IGF1: variants seen among roughly 807,000 people sequenced by gnomAD.
IGF1 encodes insulin like growth factor 1.
IGF1 carries 4 observed loss-of-function variants against 13.8 expected under a neutral mutation model. The observed-to-expected ratio is 0.29, with a 90% CI of 0.14 to 0.66. IGF1 has a LOEUF of 0.66. IGF1 is among the 30% of genes least tolerant of loss of function. The pLI is 0.78. For synonymous variants in IGF1, 76 were observed against 72.6 expected (o/e 1.05, Z -0.23); for missense variants, 124 against 188.5 (o/e 0.66, Z 2.00).
rs1247911677 is a variant in IGF1, at chr12:102,480,422, G to A, written c.-41C>T. On this transcript the variant is annotated 5_prime_UTR_variant, in exon 1 of 4. Coordinates refer to ENST00000337514, the MANE Select transcript of IGF1 (RefSeq NM_000618.5). ...AAGTCTGAAAATGAATTGGTTAGCA[G>A]GAATAATGAAGCAAAAAGAAATCCA... 9 of 1,612,434 alleles carry A rather than the reference G, an allele frequency of 5.6e-6. No homozygotes were observed. Among genetic ancestry groups the A allele is most frequent in the Non-Finnish European group, 7.6e-6 (9 of 1,179,390 alleles).
At chr12:102,455,374 T>C (rs908484518) in intron 2 of IGF1, among the ~76,000 whole-genome samples, 5 of 152,244 alleles carry the variant, frequency 3.3e-5, no homozygotes, top group African/African-American at 9.6e-5. Flanking sequence ...GAAACAGTTC[T>C]AAGAATGTTA....
At chr12:102,465,120 C>T (rs896719730) in intron 2 of IGF1, among the ~76,000 whole-genome samples, 2 of 152,200 alleles carry the variant, frequency 1.3e-5, no homozygotes, top group East Asian at 1.9e-4. Context: ...GAACAGGAGG[C>T]AGCAACATGC....
intron 2 of IGF1, among the ~76,000 whole-genome samples, chr12:102,461,393 G>T (rs1879884097): frequency 1.3e-5 from 2 of 152,072 alleles, no homozygotes; most frequent in Non-Finnish European, 2.9e-5. Flanking sequence ...GACCAAAATA[G>T]ACTTTTCTTA....
chr12:102,402,711 G>T (rs1873790505), intron 3 of IGF1, 145 bp from the exon 4 acceptor site: 2 of 697,456 alleles, frequency 2.9e-6, no homozygotes, highest in Admixed American at 2.0e-5. Context: ...CCTGAGAAGG[G>T]CATGTATAGG....
At chr12:102,404,159 C>T (rs771057085) in intron 3 of IGF1, among the ~76,000 whole-genome samples, 7 of 152,140 alleles carry the variant, frequency 4.6e-5, no homozygotes, top group Admixed American at 1.3e-4. Flanking sequence ...TATTGGTATA[C>T]AGTGAGGTTC....
intron 2 of IGF1, among the ~76,000 whole-genome samples, chr12:102,429,822 G>A (rs907156801): frequency 6.6e-6 from 1 of 152,168 alleles, no homozygotes; most frequent in African/African-American, 2.4e-5. Flanking sequence ...CCACTCTGAG[G>A]CAATGGCCTT....
intron 2 of IGF1, among the ~76,000 whole-genome samples, chr12:102,444,738 G>A (rs532042121): frequency 3.3e-5 from 5 of 152,196 alleles, no homozygotes; most frequent in Admixed American, 6.5e-5. Flanking sequence ...CCTAAGTGCC[G>A]CGTAGTATGT....
intron 2 of IGF1, among the ~76,000 whole-genome samples, chr12:102,441,940 C>CTTCTTCTTCTTCTTCTTTCTTCTTCTTCT (rs1565984803): frequency 7.3e-6 from 1 of 136,228 alleles, no homozygotes; most frequent in Non-Finnish European, 1.6e-5. Flanking sequence ...TCTTCTTCTT[C>CTTCTTCTTCTTCTTCTTTCTTCTTCTTCT]TTCTTCTTCT....
rs1357795015 is a variant in IGF1, at chr12:102,397,719, A to T, written c.*4788T>A. ...CAGATCTGGACTTTATGGTCTTTGC[A>T]AGGGAGGGGCATAAACTTTCACAAT... On this transcript the variant is annotated 3_prime_UTR_variant, in exon 4 of 4. Transcript: ENST00000337514. The T allele has an allele frequency of 1.3e-5, 2 of 152,178 alleles. No homozygotes were observed. Among genetic ancestry groups the T allele is most frequent in the African/African-American group, 4.8e-5 (2 of 41,458 alleles). 9.4% of individuals were successfully genotyped at this position (152,178 alleles called of 1,614,324 possible). A position where few individuals can be genotyped will look rare whatever the true frequency, so the allele number is the denominator to read the frequency against.
At chr12:102,412,320 T>C (rs1303195484) in intron 3 of IGF1, among the ~76,000 whole-genome samples, 2 of 152,118 alleles carry the variant, frequency 1.3e-5, no homozygotes. Context: ...GAAACTGTTC[T>C]CACCTATAAT....
rs529499124 is a variant in IGF1 at position 102,463,288 on chromosome 12, A to G, written c.220+12355T>C. ...ACTAAATATGTCTATGAACGGCTGG[A>G]AACTTTAATGGAAAGAAACATAAAA... On this transcript the variant is annotated intron_variant, in intron 2 of 3. Transcript: ENST00000337514. The G allele has an allele frequency of 2.1e-3, 316 of 152,348 alleles. 4 individuals carry two copies. The highest frequency in any genetic ancestry group is 7.2e-3 in the African/African-American group (300 of 41,576). 9.4% of individuals were successfully genotyped at this position (152,348 alleles called of 1,614,324 possible). A position where few individuals can be genotyped will look rare whatever the true frequency, so the allele number is the denominator to read the frequency against.
chr12:102,441,957 T>TCTCC (rs71438463), intron 2 of IGF1, among the ~76,000 whole-genome samples: 2 of 134,674 alleles, frequency 1.5e-5, no homozygotes, highest in Admixed American at 1.6e-4. Context: ...TTCTTCTTCT[T>TCTCC]TTTTTTTTTT....
intron 1 of IGF1, among the ~76,000 whole-genome samples, chr12:102,477,535 A>ATTC (rs1555250421): frequency 1.6e-4 from 23 of 140,632 alleles, no homozygotes; most frequent in Admixed American, 1.1e-3. Context: ...TCCAGTTCTC[A>ATTC]TTTTTTTTTT....
At chr12:102,467,375 T>G (rs1880402999) in intron 2 of IGF1, among the ~76,000 whole-genome samples, 1 of 151,912 alleles carries the variant, frequency 6.6e-6, no homozygotes, top group Non-Finnish European at 1.5e-5. Flanking sequence ...CAGAGAAATC[T>G]CCAGAAAAAA....
chr12:102,430,074 CT>C (rs1876601802), intron 2 of IGF1, among the ~76,000 whole-genome samples: 1 of 152,094 alleles, frequency 6.6e-6, no homozygotes, highest in Admixed American at 6.5e-5. Flanking sequence ...GGACACTTGC[CT>C]TCTGTCTGCT....
chr12:102,439,058 A>G (rs1199976519), intron 2 of IGF1, among the ~76,000 whole-genome samples: 5 of 152,220 alleles, frequency 3.3e-5, no homozygotes, highest in Non-Finnish European at 7.3e-5. Context: ...TGTAGCCACA[A>G]CACTTGCAAC....
chr12:102,439,703 T>C (rs562645391), intron 2 of IGF1, among the ~76,000 whole-genome samples: 32 of 126,148 alleles, frequency 2.5e-4, no homozygotes, highest in African/African-American at 8.2e-4. Context: ...CTGGAAAAGA[T>C]CCAGCTAGGA....
chr12:102,447,839 T>C (rs957524195), intron 2 of IGF1, among the ~76,000 whole-genome samples: 13 of 152,094 alleles, frequency 8.5e-5, no homozygotes, highest in African/African-American at 3.1e-4. Context: ...ACCTAGGCAA[T>C]ACCATTCAGG....
At chr12:102,412,442 C>T (rs760310760) in intron 3 of IGF1, among the ~76,000 whole-genome samples, 1 of 152,038 alleles carries the variant, frequency 6.6e-6, no homozygotes, top group Non-Finnish European at 1.5e-5. Context: ...GAAACTAATC[C>T]CCTTCCCCTC....
Sources: allele counts gnomAD v4.1 joint callset (sites outside exome capture counted in the v4.1 genomes callset), GRCh38; gene constraint gnomAD v4.1.1; transcripts MANE v1.5; gene names NCBI Gene and HGNC (gene_info 2026-07-23, HGNC 2026-07-21).